COL12A1: variants seen among roughly 807,000 people sequenced by gnomAD.
COL12A1 encodes collagen type XII alpha 1 chain.
A neutral mutation model predicts 349.7 loss-of-function variants in COL12A1; 114 were observed. The observed-to-expected ratio is 0.33, with a 90% CI of 0.28 to 0.38. The LOEUF is 0.38. Ranked by LOEUF, COL12A1 falls within the 10% of genes least tolerant of loss-of-function variation. COL12A1 has a pLI of 1.00. For synonymous variants in COL12A1, 1,369 were observed against 1,329.0 expected (o/e 1.03, Z -0.66); for missense variants, 3,284 against 3,756.9 (o/e 0.87, Z 3.29).
chr6:75,155,584 C>A, intron 16 of COL12A1, 78 bp downstream of exon 16: 1 of 1,359,976 alleles, frequency 7.4e-7, no homozygotes, highest in Non-Finnish European at 1.0e-6. Flanking sequence ...TTGTGTAAAG[C>A]CTACTAATTT....
intron 11 of COL12A1, among the ~76,000 whole-genome samples, chr6:75,180,136 A>G (rs1769187302): frequency 1.3e-5 from 2 of 152,212 alleles, no homozygotes; most frequent in Non-Finnish European, 2.9e-5. Context: ...ATCTTAAAAG[A>G]TATGTGGTGT....
intron 16 of COL12A1, 148 bp from the exon 17 acceptor site, chr6:75,154,685 A>G: frequency 1.3e-6 from 1 of 752,450 alleles, no homozygotes; most frequent in Non-Finnish European, 1.9e-6. Context: ...GAGAAGAAAA[A>G]TAATTTCCGC....
intron 60 of COL12A1, among the ~76,000 whole-genome samples, chr6:75,094,617 ATAAAGT>A (rs1340653361): frequency 2.6e-5 from 4 of 152,196 alleles, no homozygotes; most frequent in Non-Finnish European, 5.9e-5. Context: ...AAGTAAAATG[ATAAAGT>A]TAATAAATAA....
At chr6:75,138,758 T>C in intron 28 of COL12A1, 64 bp downstream of exon 28, 2 of 1,601,952 alleles carry the variant, frequency 1.2e-6, no homozygotes, top group Non-Finnish European at 1.7e-6. Flanking sequence ...TTCTTTGAAC[T>C]AAGCTTCCCT....
At chr6:75,151,591 C>T (rs992722508) in intron 20 of COL12A1, among the ~76,000 whole-genome samples, 6 of 152,032 alleles carry the variant, frequency 3.9e-5, no homozygotes, top group East Asian at 1.9e-4. Flanking sequence ...AAAATAAACA[C>T]GGTTCTGTGG....
At position 75,085,157 on chromosome 6, in the gene COL12A1, C is replaced by A; in HGVS notation, c.*1390G>T. The A allele has an allele frequency of 2.2e-6, 1 of 454,446 alleles. No individual in the cohort carries two copies. The highest frequency in any genetic ancestry group is 4.5e-6 in the Non-Finnish European group (1 of 221,888). 28.2% of individuals were successfully genotyped at this position (454,446 alleles called of 1,614,324 possible). A position where few individuals can be genotyped will look rare whatever the true frequency, so the allele number is the denominator to read the frequency against. On this transcript the variant is annotated 3_prime_UTR_variant, in exon 66 of 66. Transcript: ENST00000322507. ...GTAAATGAGAATTTCAACACCTCCC[C>A]CAAGCCTCGCGGCGCGGCGCGTGAT...
Position 75,147,656 on chromosome 6 carries a change from AT to A in COL12A1, c.4417+18del. ...TTGGAAAAGAAAGCAATGAGAAACA[AT>A]TTTTTAATCTGACTCACAGGTTTTT... On this transcript the variant is annotated intron_variant, in intron 23 of 65. Coordinates refer to ENST00000322507, the MANE Select transcript of COL12A1 (RefSeq NM_004370.6). 4 of 1,576,810 alleles carry A rather than the reference AT, an allele frequency of 2.5e-6. No individual in the cohort carries two copies. In the South Asian group the frequency reaches 3.6e-5, roughly 14 times the overall value.
chr6:75,135,978 G>T (rs1766586730), intron 31 of COL12A1, among the ~76,000 whole-genome samples: 1 of 152,100 alleles, frequency 6.6e-6, no homozygotes, highest in African/African-American at 2.4e-5. Context: ...TCATTTTCAT[G>T]ATTTCACGGA....
Position 75,189,643 on chromosome 6 carries a change from C to T in COL12A1, c.567G>A (p.Arg189=), listed in dbSNP as rs1214927940. 6.2e-7 allele frequency: 1 copy of T among 1,613,118 alleles called. No individual in the cohort carries two copies. The highest frequency in any genetic ancestry group is 1.7e-5 in the Admixed American group (1 of 59,888). Residue 189 remains arginine (R), a synonymous_variant, in exon 6 of 66, where the codon AGG becomes AGA. Transcript: ENST00000322507. ...VGVVQYSSDT[R]TEFNLNQYYQ... is the part of the protein sequence containing the mutation. ...AGTACTGATTTAAGTTAAATTCAGT[C>T]CTGGTATCAGAGCTGTATTGAACAA...
intron 25 of COL12A1, among the ~76,000 whole-genome samples, 191 bp downstream of exon 25, chr6:75,145,135 C>A (rs1193305242): frequency 6.6e-6 from 1 of 152,154 alleles, no homozygotes; most frequent in Non-Finnish European, 1.5e-5. Flanking sequence ...AAATACACAT[C>A]CTCGAATGAA....
At chr6:75,180,873 A>G in intron 11 of COL12A1, 66 bp downstream of exon 11, 2 of 1,541,622 alleles carry the variant, frequency 1.3e-6, no homozygotes, top group Non-Finnish European at 1.8e-6. Flanking sequence ...GTTATTACAA[A>G]CTGTAACTTT....
rs1262034183 is a variant in COL12A1 at position 75,095,144 on chromosome 6, A to G, written c.8613T>C (p.Ser2871=). The G allele has an allele frequency of 3.1e-6, 5 of 1,614,024 alleles. No individual in the cohort carries two copies. The highest frequency in any genetic ancestry group is 1.7e-5 in the Admixed American group (1 of 60,006). ...SPGSPGVTGP[S]GKPGKPGDHG... ...GATCTCCAGGTTTTCCTGGCTTCCC[A>G]CTTGGTCCTGTGACTCCTGGGGAGC... is the stretch of plus-strand genomic sequence containing the variant. The change falls in exon 60 of 66, where the codon AGT becomes AGC. Residue 2871 remains serine, a synonymous_variant. Transcript: ENST00000322507.
intron 39 of COL12A1, 41 bp from the exon 40 acceptor site, chr6:75,125,314 A>G (rs776410569): frequency 1.3e-6 from 2 of 1,522,208 alleles, no homozygotes; most frequent in Non-Finnish European, 1.8e-6. Flanking sequence ...ACATGCCATC[A>G]ATAGCATGAA....
intron 58 of COL12A1, among the ~76,000 whole-genome samples, chr6:75,100,136 C>T (rs571936875): frequency 2.0e-5 from 3 of 152,204 alleles, no homozygotes; most frequent in Non-Finnish European, 4.4e-5. Flanking sequence ...AGGGTGGCCT[C>T]ACCACAAAGC....
At chr6:75,173,373 T>C (rs1768741421) in intron 13 of COL12A1, among the ~76,000 whole-genome samples, 1 of 152,048 alleles carries the variant, frequency 6.6e-6, no homozygotes, top group African/African-American at 2.4e-5. Context: ...TTGATCACTA[T>C]TATTATTATT....
chr6:75,106,566 T>G (rs1362898889), intron 52 of COL12A1, 70 bp from the exon 53 acceptor site: 1 of 1,358,476 alleles, frequency 7.4e-7, no homozygotes, highest in East Asian at 2.4e-5. Flanking sequence ...CTTCCACATT[T>G]TAACATTGCC....
chr6:75,181,340 C>A, intron 10 of COL12A1, 129 bp from the exon 11 acceptor site: 1 of 848,392 alleles, frequency 1.2e-6, no homozygotes, highest in East Asian at 2.6e-5. Context: ...GACTACTGTA[C>A]TGGGTATCTC....
intron 55 of COL12A1, among the ~76,000 whole-genome samples, chr6:75,103,115 T>G (rs1768381005): frequency 6.6e-6 from 1 of 152,208 alleles, no homozygotes; most frequent in African/African-American, 2.4e-5. Context: ...AAGATGCCCA[T>G]GGATGAGGTG....
Position 75,156,456 on chromosome 6 carries a change from T to C in COL12A1, c.3051A>G (p.Lys1017=). 6.2e-7 allele frequency: 1 copy of C among 1,613,922 alleles called. No individual in the cohort carries two copies. The highest frequency in any genetic ancestry group is 8.5e-7 in the Non-Finnish European group (1 of 1,179,902). The stretch of plus-strand genomic sequence containing the variant: ...AGTTGACGACTTTCCCTGGTGCTGG[T>C]TTCCATGTAACTCTCATTGTGTTTT... ...ETENTMRVTW[K]PAPGKVVNYR... is the part of the protein sequence containing the mutation. The change falls in exon 15 of 66, where the codon AAA becomes AAG. Residue 1017 remains lysine, a synonymous_variant. Transcript: ENST00000322507.
Sources: gnomAD v4.1 joint callset for allele counts (sites outside exome capture counted in the v4.1 genomes callset) on GRCh38, gnomAD v4.1.1 for gene constraint, MANE v1.5 for transcripts, NCBI Gene and HGNC (gene_info 2026-07-23, HGNC 2026-07-21) for gene names.